Variants in DNAH5 observed in about 807,000 individuals in gnomAD.
The protein encoded by DNAH5 is dynein axonemal heavy chain 5, also known as axonemal beta dynein heavy chain 5.
Under a neutral mutation model 518.2 loss-of-function variants are expected in DNAH5, and 372 were observed. The observed-to-expected ratio is 0.72, with a 90% CI of 0.66 to 0.78. The LOEUF (loss-of-function observed/expected upper bound fraction) is 0.78, where lower values mean the gene tolerates loss of function less well. DNAH5 is among the 30% of genes least tolerant of loss of function. The pLI, the probability that DNAH5 is intolerant of heterozygous loss-of-function variation, is 0.00. For missense variants in DNAH5, 5,523 were observed against 5,687.0 expected (o/e 0.97, Z 0.93); for synonymous variants, 2,039 against 2,025.9 (o/e 1.01, Z -0.17).
Position 13,913,767 on chromosome 5 carries a change from C to A in DNAH5, c.1512G>T (p.Leu504=). The change falls in exon 11 of 79, where the codon CTG becomes CTT. Residue 504 remains leucine, a synonymous_variant. Coordinates refer to ENST00000265104, the MANE Select transcript of DNAH5 (RefSeq NM_001369.3). The part of the protein sequence containing the change: ...SVLQDSTIEG[L]EDMATKYQGI... ...CCTGGTATTTAGTGGCCATGTCTTC[C>A]AGCCCTTCAATTGTGGAATCTTGCA... 2 of 1,613,450 alleles carry A rather than the reference C, an allele frequency of 1.2e-6. No individual in the cohort carries two copies. The highest frequency in any genetic ancestry group is 1.7e-4 in the Middle Eastern group (1 of 6,058).
chr5:13,923,314 G>A lies in DNAH5; in HGVS notation c.404C>T (p.Pro135Leu). 6.2e-7 allele frequency: 1 copy of A among 1,614,078 alleles called. No individual in the cohort carries two copies. The highest frequency in any genetic ancestry group is 8.5e-7 in the Non-Finnish European group (1 of 1,179,980). ...GTTGTCAGGGGTGATGGCTTTGGAAGGGTCAGTCCTGATGAAGAACACACA... is the reference window on the plus strand; with the variant it reads ...GTTGTCAGGGGTGATGGCTTTGGAAAGGTCAGTCCTGATGAAGAACACACA... Reference protein sequence around the residue: ...GVCVFFIRTDPSKAITPDNIH... With the variant: ...GVCVFFIRTDLSKAITPDNIH... The change falls in exon 4 of 79, where the codon CCT becomes CTT. Residue 135 changes from proline (P) to leucine (L), a missense_variant. Transcript: ENST00000265104.
At chr5:13,848,946 C>A (rs1447057184) in intron 31 of DNAH5, among the ~76,000 whole-genome samples, 1 of 152,170 alleles carries the variant, frequency 6.6e-6, no homozygotes, top group East Asian at 1.9e-4. Flanking sequence ...TTTGAAACAC[C>A]CATCACCTAA....
intron 58 of DNAH5, among the ~76,000 whole-genome samples, chr5:13,767,654 A>G (rs1196771165): frequency 2.0e-5 from 3 of 152,328 alleles, no homozygotes; most frequent in East Asian, 3.9e-4. Context: ...CTTTAAAAAT[A>G]ATTTTCAAAC....
At chr5:13,878,783 G>A (rs958336875) in intron 21 of DNAH5, among the ~76,000 whole-genome samples, 9 of 152,284 alleles carry the variant, frequency 5.9e-5, no homozygotes, top group Non-Finnish European at 1.0e-4. Flanking sequence ...CAGAATCAGA[G>A]GATGCAGCCT....
At chr5:13,738,364 T>C (rs1439868762) in intron 65 of DNAH5, among the ~76,000 whole-genome samples, 3 of 152,218 alleles carry the variant, frequency 2.0e-5, no homozygotes, top group African/African-American at 2.4e-5. Flanking sequence ...ATTGTTTAAA[T>C]GTGGTTATTT....
chr5:13,811,111 G>A (rs982495557), intron 44 of DNAH5, among the ~76,000 whole-genome samples: 4 of 152,060 alleles, frequency 2.6e-5, no homozygotes, highest in African/African-American at 9.7e-5. Context: ...GAGGAAATGG[G>A]GATGATGAAT....
At chr5:13,962,844 G>A (rs552366466) in intron 1 of DNAH5, among the ~76,000 whole-genome samples, 2 of 152,228 alleles carry the variant, frequency 1.3e-5, no homozygotes, top group South Asian at 2.1e-4. Flanking sequence ...GTCAGGGAAG[G>A]GAGTCCTTGT....
chr5:13,869,007 G>C (rs1769690369), intron 24 of DNAH5, among the ~76,000 whole-genome samples: 1 of 152,114 alleles, frequency 6.6e-6, no homozygotes, highest in Non-Finnish European at 1.5e-5. Context: ...TTCCTAGGTG[G>C]GAGAAAATAG....
At position 13,862,638 on chromosome 5, in the gene DNAH5, C is replaced by T. The variant is rs777023401; in HGVS notation, c.4706G>A (p.Gly1569Glu). Residue 1569 changes from glycine to glutamate, a missense_variant, in exon 29 of 79, where the codon GGA becomes GAA. Physicochemically the swap from Gly to Glu is moderately conservative, Grantham distance 98. This residue lies in a region of DNAH5 where 5,121 missense variants were observed against 5,223.3 expected (regional missense o/e 0.98). Coordinates refer to ENST00000265104, the MANE Select transcript of DNAH5 (RefSeq NM_001369.3). ...TFTFGSFKTR[G>E]ELLLRGDSTS... ...ACTGTCTCCTCTCAAGAGGAGCTCT[C>T]CACGGGTTTTAAAGCTGCCGAAGGT... 3.1e-6 allele frequency: 5 copies of T among 1,613,934 alleles called. No homozygotes were observed. Among genetic ancestry groups the T allele is most frequent in the East Asian group, 4.5e-5 (2 of 44,854 alleles).
rs376439430 is a variant in DNAH5, at chr5:13,717,498, G to A, written c.12522C>T (p.Asp4174=). ...TYSGVSQDLL[D]VSSGSQWKPM... The stretch of plus-strand genomic sequence containing the variant: ...GCTTCCACTGGGACCCAGAGCTCAC[G>A]TCCAGCAGGTCTTGGCTGACACCTG... Residue 4174 remains aspartate, a synonymous_variant, in exon 73 of 79, where the codon GAC becomes GAT. Coordinates refer to ENST00000265104, the MANE Select transcript of DNAH5 (RefSeq NM_001369.3). 2.0e-5 allele frequency: 32 copies of A among 1,614,030 alleles called. No individual in the cohort carries two copies. Among genetic ancestry groups the A allele is most frequent in the East Asian group, 6.7e-5 (3 of 44,886 alleles).
rs1268259559 is a variant in DNAH5, at chr5:13,707,769, G to A, written c.13338+354C>T. On this transcript the variant is annotated intron_variant, in intron 76 of 78. Coordinates refer to ENST00000265104, the MANE Select transcript of DNAH5 (RefSeq NM_001369.3). This position sits in a 1 kb window ranked among gnomAD's most constrained non-coding sequence, Gnocchi z 4.0. ...TGAAACCAACATCATGGACTTTGGAGTCCAGGAGCTTGGGTTTAAATTCTG... is the reference window on the plus strand; with the variant it reads ...TGAAACCAACATCATGGACTTTGGAATCCAGGAGCTTGGGTTTAAATTCTG... Among the ~76,000 whole-genome samples the A allele has an allele frequency of 6.6e-6, 1 of 152,100 alleles. No homozygotes were observed. Among genetic ancestry groups the A allele is most frequent in the East Asian group, 1.9e-4 (1 of 5,170 alleles).
At chr5:13,973,731 A>C (rs989601607) in intron 1 of DNAH5, among the ~76,000 whole-genome samples, 19 of 151,230 alleles carry the variant, frequency 1.3e-4, no homozygotes, top group South Asian at 6.3e-4. Context: ...TAAAAAAAAA[A>C]AAAAAACAAA....
chr5:13,810,406 A>C, intron 44 of DNAH5, 146 bp from the exon 45 acceptor site: 1 of 761,428 alleles, frequency 1.3e-6, no homozygotes, highest in South Asian at 1.5e-5. Context: ...CTGGAGAACA[A>C]ATGAAGAACT....
In DNAH5 at chr5:13,807,691, T is replaced by A; in HGVS notation, c.7787A>T (p.Lys2596Ile). The change falls in exon 47 of 79, where the codon AAA (lysine) becomes ATA (isoleucine). Residue 2596 changes from lysine (K) to isoleucine (I), a missense_variant. Physicochemically the swap from Lys to Ile is moderately radical, Grantham distance 102. This residue lies in a region of DNAH5 where 5,121 missense variants were observed against 5,223.3 expected (regional missense o/e 0.98). Coordinates refer to ENST00000265104, the MANE Select transcript of DNAH5 (RefSeq NM_001369.3). Reference sequence around the variant, plus strand: ...CATAAATCCTTTAATTATTACTGTTTTGGCTGTTCCTTGTTCACCAATTAA... The same window carrying A: ...CATAAATCCTTTAATTATTACTGTTATGGCTGTTCCTTGTTCACCAATTAA... The part of the protein sequence containing the change: ...VLLIGEQGTA[K>I]TVIIKGFMSK... The A allele has an allele frequency of 1.2e-6, 2 of 1,609,254 alleles. No individual in the cohort carries two copies. Among genetic ancestry groups the A allele is most frequent in the Non-Finnish European group, 1.7e-6 (2 of 1,176,878 alleles).
At chr5:13,822,845 G>A (rs113086324) in intron 40 of DNAH5, among the ~76,000 whole-genome samples, 1 of 152,018 alleles carries the variant, frequency 6.6e-6, no homozygotes, top group Admixed American at 6.6e-5. Context: ...CAAGTACTGA[G>A]GAAAGAGAAG....
chr5:13,721,968 C>T (rs147281545), intron 70 of DNAH5, among the ~76,000 whole-genome samples: 129 of 152,102 alleles, frequency 8.5e-4, no homozygotes, highest in Non-Finnish European at 3.2e-4. Context: ...CTATATTCTC[C>T]ACCTTCTAAA....
At chr5:13,737,993 G>C (rs1006304113) in intron 65 of DNAH5, among the ~76,000 whole-genome samples, 33 of 151,890 alleles carry the variant, frequency 2.2e-4, no homozygotes, top group African/African-American at 7.3e-4. Flanking sequence ...AGCCAGGGAG[G>C]CAGAGGTTGC....
intron 42 of DNAH5, among the ~76,000 whole-genome samples, chr5:13,815,047 T>G (rs1258518429): frequency 6.6e-6 from 1 of 152,224 alleles, no homozygotes; most frequent in African/African-American, 2.4e-5. Context: ...GGCCCATAAT[T>G]AAATCAAAAA....
rs200849505 is a variant in DNAH5, at chr5:13,925,118, C to A, written c.278-1678G>T. On this transcript the variant is annotated intron_variant, in intron 3 of 78. Coordinates refer to ENST00000265104, the MANE Select transcript of DNAH5 (RefSeq NM_001369.3). ...CCTTGACTGTGGCTTGGACAGTGAA[C>A]CCTCATTAAAGGTAACTAGAAGATC... Among the ~76,000 whole-genome samples, 66 of 152,180 alleles carry A rather than the reference C, an allele frequency of 4.3e-4. No homozygotes were observed. The East Asian group carries it at 0.01, about 24-fold the overall frequency.
Sources: allele counts gnomAD v4.1 joint callset (sites outside exome capture counted in the v4.1 genomes callset), GRCh38; gene constraint gnomAD v4.1.1; regional missense constraint gnomAD v4.1.1; non-coding constraint Gnocchi (gnomAD v3.1); transcripts MANE v1.5; gene names NCBI Gene and HGNC (gene_info 2026-07-23, HGNC 2026-07-21).